The following COPS3 variants were observed in gnomAD, a reference collection of about 807,000 sequenced individuals.
COPS3 encodes the protein COP9 signalosome subunit 3.
In COPS3, 10 loss-of-function variants were observed where a neutral mutation model predicts 58.2. The ratio of observed to expected loss-of-function variants is 0.17; its 90% CI spans 0.11 to 0.29. COPS3 has a LOEUF of 0.29. Ranked by LOEUF, COPS3 falls within the 10% of genes least tolerant of loss-of-function variation. COPS3 has a pLI of 1.00. For synonymous variants in COPS3, 187 were observed against 181.7 expected (o/e 1.03, Z -0.24); for missense variants, 333 against 510.1 (o/e 0.65, Z 3.34).
At chr17:17,263,189 G>A (rs2048142842) in intron 6 of COPS3, among the ~76,000 whole-genome samples, 1 of 151,604 alleles carries the variant, frequency 6.6e-6, no homozygotes, top group Admixed American at 6.6e-5. Flanking sequence ...TCACGAGGCT[G>A]AGGCAGGAGA....
intron 1 of COPS3, among the ~76,000 whole-genome samples, chr17:17,277,796 C>T (rs1036622852): frequency 1.3e-5 from 2 of 152,196 alleles, no homozygotes; most frequent in Non-Finnish European, 2.9e-5. Context: ...TGGCTCACAC[C>T]TGTAATCCCA....
At chr17:17,263,052 GC>G (rs1318235619) in intron 6 of COPS3, among the ~76,000 whole-genome samples, 10 of 151,730 alleles carry the variant, frequency 6.6e-5, no homozygotes, top group Admixed American at 1.3e-4. Flanking sequence ...AATTTGGGAG[GC>G]CGAGGCGGGC....
At chr17:17,261,842 G>C in intron 7 of COPS3, 124 bp downstream of exon 7, 3 of 744,618 alleles carry the variant, frequency 4.0e-6, no homozygotes, top group South Asian at 3.9e-5. Flanking sequence ...ATAAATGTCT[G>C]CTCACCTGAA....
intron 8 of COPS3, 50 bp downstream of exon 8, chr17:17,260,251 T>C (rs1241187023): frequency 1.3e-6 from 2 of 1,568,516 alleles, no homozygotes; most frequent in Non-Finnish European, 1.7e-6. Flanking sequence ...AAGGGAAACA[T>C]GGCCCCCAGG....
chr17:17,250,565 G>T (rs2047821405), intron 9 of COPS3, among the ~76,000 whole-genome samples: 2 of 152,152 alleles, frequency 1.3e-5, no homozygotes, highest in South Asian at 4.1e-4. Flanking sequence ...TACTACCACT[G>T]GGGATTCCAA....
chr17:17,273,998 C>T (rs1380716467), intron 2 of COPS3, among the ~76,000 whole-genome samples: 1 of 152,204 alleles, frequency 6.6e-6, no homozygotes, highest in Non-Finnish European at 1.5e-5. Flanking sequence ...GCCTGAGTGA[C>T]ATCAAGACCC....
At chr17:17,248,859 TAGG>T in intron 10 of COPS3, 64 bp downstream of exon 10, 1 of 987,582 alleles carries the variant, frequency 1.0e-6, no homozygotes, top group Non-Finnish European at 1.5e-6. Context: ...TCCTGGAACA[TAGG>T]AGCAATTTTC....
chr17:17,263,061 G>A (rs1428126384), intron 6 of COPS3, among the ~76,000 whole-genome samples: 1 of 151,780 alleles, frequency 6.6e-6, no homozygotes, highest in Non-Finnish European at 1.5e-5. Flanking sequence ...GGCCGAGGCG[G>A]GCGGATCACG....
At chr17:17,265,025 G>A (rs1032572901) in intron 5 of COPS3, 44 bp from the exon 6 acceptor site, 1 of 1,540,346 alleles carries the variant, frequency 6.5e-7, no homozygotes. Context: ...ATTTTACTTA[G>A]GCAGGTATTA....
intron 1 of COPS3, chr17:17,280,711 C>T (rs1168979011): frequency 1.6e-6 from 2 of 1,265,822 alleles, no homozygotes; most frequent in Non-Finnish European, 2.1e-6. Context: ...CTCCCGCCCG[C>T]TCCCGGCGGC....
chr17:17,261,834 A>G (rs1272361492), intron 7 of COPS3, 132 bp downstream of exon 7: 2 of 703,324 alleles, frequency 2.8e-6, no homozygotes, highest in African/African-American at 3.6e-5. Context: ...GACATTCAAT[A>G]AATGTCTGCT....
chr17:17,270,062 CAGA>C lies in COPS3; in HGVS notation c.348+693_348+695del, dbSNP rs1363890232. Reference sequence around the variant, plus strand: ...TCCCCAGCTACTCAGGAGGCTGAGGCAGAAGAATTGCTTGAACCTGGGAGGTGG... The same window carrying C: ...TCCCCAGCTACTCAGGAGGCTGAGGCAGAATTGCTTGAACCTGGGAGGTGG... On this transcript the variant is annotated intron_variant, in intron 4 of 11. Coordinates refer to ENST00000268717, the MANE Select transcript of COPS3 (RefSeq NM_003653.4). Among the ~76,000 whole-genome samples the C allele has an allele frequency of 4.6e-5, 7 of 152,036 alleles. No homozygotes were observed. The East Asian group carries it at 9.7e-4, about 21-fold the overall frequency.
chr17:17,273,652 A>G (rs1010945361), intron 2 of COPS3, among the ~76,000 whole-genome samples: 2 of 152,112 alleles, frequency 1.3e-5, no homozygotes, highest in Non-Finnish European at 2.9e-5. Flanking sequence ...GGAGTTCAAG[A>G]CCAGCCTGGG....
chr17:17,265,103 A>G (rs2048191842), intron 5 of COPS3, 122 bp from the exon 6 acceptor site: 1 of 841,078 alleles, frequency 1.2e-6, no homozygotes, highest in Non-Finnish European at 1.9e-6. Context: ...CATTTTATTG[A>G]CTAAAATTAT....
chr17:17,247,821 T>C (rs1304585705), intron 10 of COPS3: 2 of 383,256 alleles, frequency 5.2e-6, no homozygotes, highest in African/African-American at 4.1e-5. Flanking sequence ...GAAACGAGTA[T>C]ATTCATGCTG....
chr17:17,259,831 G>A (rs2048053656), intron 8 of COPS3, among the ~76,000 whole-genome samples: 1 of 151,916 alleles, frequency 6.6e-6, no homozygotes, highest in Non-Finnish European at 1.5e-5. Flanking sequence ...GAGGCAGAGG[G>A]TGCAATGAGC....
Position 17,260,427 on chromosome 17 carries a change from G to T in COPS3, c.810C>A (p.Asn270Lys). The change falls in exon 8 of 12, where the codon AAC becomes AAA. Residue 270 changes from asparagine to lysine, a missense_variant. Transcript: ENST00000268717. ...CCAGGTTTCGGAGTTCTGAGGGGTTGTTGGTTGAATACACTTGTGCTAACT... is the reference window on the plus strand; with the variant it reads ...CCAGGTTTCGGAGTTCTGAGGGGTTTTTGGTTGAATACACTTGTGCTAACT... ...YHELAQVYST[N>K]NPSELRNLVN... 6.2e-7 allele frequency: 1 copy of T among 1,614,200 alleles called. No homozygotes were observed. The highest frequency in any genetic ancestry group is 8.5e-7 in the Non-Finnish European group (1 of 1,180,038).
intron 2 of COPS3, among the ~76,000 whole-genome samples, chr17:17,274,067 A>G (rs1046150727): frequency 6.6e-6 from 1 of 152,178 alleles, no homozygotes; most frequent in Non-Finnish European, 1.5e-5. Flanking sequence ...TCACATAAAC[A>G]TATATATCAG....
intron 1 of COPS3, among the ~76,000 whole-genome samples, chr17:17,278,729 G>A (rs986290944): frequency 5.9e-5 from 9 of 152,018 alleles, no homozygotes; most frequent in African/African-American, 2.2e-4. Flanking sequence ...GCCCAGTTGA[G>A]ACTGAAATAA....
Sources: gnomAD v4.1 joint callset for allele counts (sites outside exome capture counted in the v4.1 genomes callset) on GRCh38, gnomAD v4.1.1 for gene constraint, MANE v1.5 for transcripts, NCBI Gene and HGNC (gene_info 2026-07-23, HGNC 2026-07-21) for gene names.